Variants in FRZB observed in about 807,000 individuals in gnomAD.
FRZB encodes frizzled related protein.
FRZB carries 34 observed loss-of-function variants against 32.5 expected under a neutral mutation model. The ratio of observed to expected loss-of-function variants is 1.05; its 90% CI spans 0.80 to 1.39. The LOEUF (loss-of-function observed/expected upper bound fraction) is 1.39, where lower values mean the gene tolerates loss of function less well. FRZB is among the 40% of genes most tolerant of loss of function. The pLI, the probability that FRZB is intolerant of heterozygous loss-of-function variation, is 0.00. For missense variants in FRZB, 423 were observed against 424.8 expected (o/e 1.00, Z 0.04); for synonymous variants, 170 against 159.2 (o/e 1.07, Z -0.51).
chr2:182,853,795 C>T (rs767228377), intron 2 of FRZB, among the ~76,000 whole-genome samples: 9 of 152,056 alleles, frequency 5.9e-5, no homozygotes, highest in Non-Finnish European at 1.0e-4. Flanking sequence ...GACATACTCA[C>T]CAAAATCAGT....
chr2:182,838,053 C>A, intron 4 of FRZB, 42 bp from the exon 5 acceptor site: 3 of 1,492,608 alleles, frequency 2.0e-6, no homozygotes, highest in Non-Finnish European at 2.8e-6. Flanking sequence ...AAAATTAAAA[C>A]CTGTTACTGA....
chr2:182,842,894 G>A (rs1007727234), intron 2 of FRZB, among the ~76,000 whole-genome samples: 1 of 152,140 alleles, frequency 6.6e-6, no homozygotes, highest in Non-Finnish European at 1.5e-5. Flanking sequence ...TACCAACTGG[G>A]AGGCAATTTT....
Position 182,833,865 on chromosome 2 carries a change from A to G in FRZB, c.*984T>C, listed in dbSNP as rs989626142. On this transcript the variant is annotated 3_prime_UTR_variant, in exon 6 of 6. Coordinates refer to ENST00000295113, the MANE Select transcript of FRZB (RefSeq NM_001463.4). ...CAACAGAAAAAACAAAAACAAAAAA[A>G]CCTGCATATTTTATCACTCTGTAAT... is the stretch of plus-strand genomic sequence containing the variant. 6.6e-6 allele frequency: 1 copy of G among 151,982 alleles called. No individual in the cohort carries two copies. Among genetic ancestry groups the G allele is most frequent in the Non-Finnish European group, 1.5e-5 (1 of 67,996 alleles). 9.4% of individuals were successfully genotyped at this position (151,982 alleles called of 1,614,324 possible).
chr2:182,865,389 T>C (rs1220481346), intron 1 of FRZB, among the ~76,000 whole-genome samples: 1 of 152,192 alleles, frequency 6.6e-6, no homozygotes, highest in Non-Finnish European at 1.5e-5. Context: ...CCACAGAAGC[T>C]AATTAACAGT....
intron 1 of FRZB, among the ~76,000 whole-genome samples, chr2:182,865,605 T>C (rs1301529695): frequency 6.6e-6 from 1 of 152,184 alleles, no homozygotes; most frequent in African/African-American, 2.4e-5. Context: ...GTTTTCTGTT[T>C]CCTCCACACA....
intron 2 of FRZB, among the ~76,000 whole-genome samples, chr2:182,849,154 G>C (rs892708623): frequency 6.6e-6 from 1 of 152,032 alleles, no homozygotes; most frequent in Non-Finnish European, 1.5e-5. Context: ...GTGAACCCGG[G>C]GGGTGGAGCT....
rs1695550555 is a variant in FRZB, at chr2:182,838,413, A to G, written c.793T>C (p.Ser265Pro). The G allele has an allele frequency of 1.2e-6, 2 of 1,608,926 alleles. No homozygotes were observed. Among genetic ancestry groups the G allele is most frequent in the South Asian group, 2.2e-5 (2 of 90,964 alleles). The change falls in exon 4 of 6, where the codon TCC (serine) becomes CCC (proline). Residue 265 changes from serine (S) to proline (P), a missense_variant. Physicochemically the swap from Ser to Pro is moderately conservative, Grantham distance 74. Transcript: ENST00000295113. ...TATCCTTAAAGAGTGAATTACCTGG[A>G]ACGTTCCTCATCTTCATAGCCCATG... ...IIMGYEDEER[S>P]RLLLVEGSIA...
At chr2:182,837,352 G>A (rs1401381877) in intron 5 of FRZB, among the ~76,000 whole-genome samples, 1 of 151,946 alleles carries the variant, frequency 6.6e-6, no homozygotes, top group Non-Finnish European at 1.5e-5. Context: ...CATAGGAATT[G>A]CTGTTTATTC....
chr2:182,866,345 C>G lies in FRZB; in HGVS notation c.208G>C (p.Glu70Gln), dbSNP rs1487754696. Residue 70 changes from glutamate (E) to glutamine (Q), a missense_variant, in exon 1 of 6, where the codon GAG (glutamate) becomes CAG (glutamine). Physicochemically the swap from Glu to Gln is conservative, Grantham distance 29. Coordinates refer to ENST00000295113, the MANE Select transcript of FRZB (RefSeq NM_001463.4). The surrounding 1 kb of genome is among the most constrained non-coding windows in gnomAD (Gnocchi z 4.5). ...GTGCCCAGCAGACCTTCGAACTGCT[C>G]GATGGCCAGGATGGCGTTGGCCTGA... ...STQANAILAI[E>Q]QFEGLLGTHC... is the part of the protein sequence containing the mutation. The G allele has an allele frequency of 3.1e-6, 5 of 1,614,122 alleles. No individual in the cohort carries two copies. The highest frequency in any genetic ancestry group is 3.4e-6 in the Non-Finnish European group (4 of 1,179,972).
rs576363371 is a variant in FRZB at position 182,851,306 on chromosome 2, G to A, written c.526+7480C>T. ...GTTTCAGTACTAGGGACTTAGAAAA[G>A]CAATGGTGTCACATACTTAAATGAG... On this transcript the variant is annotated intron_variant, in intron 2 of 5. Coordinates refer to ENST00000295113, the MANE Select transcript of FRZB (RefSeq NM_001463.4). 1.3e-3 allele frequency among the ~76,000 whole-genome samples: 191 copies of A among 152,270 alleles called. 1 individual carries two copies. The highest frequency in any genetic ancestry group is 4.4e-3 in the African/African-American group (183 of 41,536).
chr2:182,860,589 C>T (rs559663019), intron 1 of FRZB, among the ~76,000 whole-genome samples: 6 of 152,190 alleles, frequency 3.9e-5, no homozygotes, highest in Admixed American at 1.3e-4. Flanking sequence ...CTTCCCACAG[C>T]CAGGTATGGT....
chr2:182,839,653 T>G (rs1360106440), intron 3 of FRZB, among the ~76,000 whole-genome samples: 2 of 152,074 alleles, frequency 1.3e-5, no homozygotes, highest in East Asian at 3.9e-4. Context: ...AAGAGTCAAG[T>G]TGTTCAGATT....
intron 1 of FRZB, among the ~76,000 whole-genome samples, chr2:182,865,784 T>A (rs868592661): frequency 6.6e-6 from 1 of 152,232 alleles, no homozygotes; most frequent in Non-Finnish European, 1.5e-5. Flanking sequence ...GAAGGATTCC[T>A]GTGGAGTAGA....
rs1695584169 is a variant in FRZB, at chr2:182,841,341, GCTAA to G, written c.592+1133_592+1136del. 2.0e-5 allele frequency among the ~76,000 whole-genome samples: 3 copies of G among 152,214 alleles called. No homozygotes were observed. In the South Asian group the frequency reaches 6.2e-4, roughly 32 times the overall value. On this transcript the variant is annotated intron_variant, in intron 3 of 5. Transcript: ENST00000295113. The stretch of plus-strand genomic sequence containing the variant: ...ACACTGCATTTTGAAAGATATTGAA[GCTAA>G]CTTTTACAGTCTTATTCATTTCTCT...
chr2:182,835,114 C>T, intron 5 of FRZB, 149 bp from the exon 6 acceptor site: 1 of 639,452 alleles, frequency 1.6e-6, no homozygotes, highest in South Asian at 1.9e-5. Flanking sequence ...CCCAGGGTAA[C>T]AAGAAAACTG....
rs981295060 is a variant in FRZB at position 182,858,025 on chromosome 2, T to C, written c.526+761A>G. Among the ~76,000 whole-genome samples, 6 of 152,294 alleles carry C rather than the reference T, an allele frequency of 3.9e-5. No individual in the cohort carries two copies. In the East Asian group the frequency reaches 9.6e-4, roughly 24 times the overall value. ...ATAATACCAAGGGCTCGCAAAGATA[T>C]AGAACAACTGGAACTCTTATACATT... is the stretch of plus-strand genomic sequence containing the variant. On this transcript the variant is annotated intron_variant, in intron 2 of 5. Transcript: ENST00000295113.
intron 2 of FRZB, among the ~76,000 whole-genome samples, chr2:182,852,389 T>G (rs951330019): frequency 2.0e-5 from 3 of 152,144 alleles, no homozygotes; most frequent in African/African-American, 7.2e-5. Flanking sequence ...TAGTGAAAAC[T>G]CTGGGAGAGC....
At chr2:182,839,247 A>C (rs1695560818) in intron 3 of FRZB, among the ~76,000 whole-genome samples, 1 of 151,924 alleles carries the variant, frequency 6.6e-6, no homozygotes. Context: ...ATTATCTTTT[A>C]TATTCTCCTT....
chr2:182,859,844 A>G (rs1380938717), intron 1 of FRZB, among the ~76,000 whole-genome samples: 3 of 152,212 alleles, frequency 2.0e-5, no homozygotes, highest in African/African-American at 7.2e-5. Context: ...AGCAAGTAAC[A>G]AACACTAATT....
Sources: gnomAD v4.1 joint callset for allele counts (sites outside exome capture counted in the v4.1 genomes callset) on GRCh38, gnomAD v4.1.1 for gene constraint, Gnocchi (gnomAD v3.1) non-coding constraint, MANE v1.5 for transcripts, NCBI Gene and HGNC (gene_info 2026-07-23, HGNC 2026-07-21) for gene names.